The following USP24 variants were observed in gnomAD, a reference collection of about 807,000 sequenced individuals.
USP24 encodes the protein ubiquitin specific peptidase 24.
Under a neutral mutation model 361.6 loss-of-function variants are expected in USP24, and 97 were observed. That is an observed-to-expected ratio of 0.27 (90% CI 0.23 to 0.32). The LOEUF is 0.32. USP24 is among the 10% of genes least tolerant of loss of function. The pLI is 1.00. For synonymous variants in USP24, 1,098 were observed against 1,124.6 expected, an observed-to-expected ratio of 0.98 and a Z score of 0.47; for missense variants, 2,353 against 3,165.6, an observed-to-expected ratio of 0.74 and a Z score of 6.16.
intron 55 of USP24, among the ~76,000 whole-genome samples, chr1:55,086,788 C>T (rs1645260384): frequency 6.6e-6 from 1 of 152,150 alleles, no homozygotes; most frequent in Admixed American, 6.5e-5. Flanking sequence ...AAAAAGCCTG[C>T]ATGTGGGTAT....
At chr1:55,130,290 C>G (rs1013147388) in intron 31 of USP24, among the ~76,000 whole-genome samples, 2 of 152,158 alleles carry the variant, frequency 1.3e-5, no homozygotes, top group Admixed American at 6.5e-5. Flanking sequence ...TACAATGCTC[C>G]CTTTTGTCCT....
At chr1:55,194,809 C>T (rs894676897) in intron 1 of USP24, among the ~76,000 whole-genome samples, 12 of 152,094 alleles carry the variant, frequency 7.9e-5, no homozygotes, top group East Asian at 3.8e-4. Flanking sequence ...ACTGTGTCCT[C>T]GTCCCAGCCA....
chr1:55,178,851 G>A (rs1197690089), intron 1 of USP24, among the ~76,000 whole-genome samples: 1 of 152,006 alleles, frequency 6.6e-6, no homozygotes, highest in African/African-American at 2.4e-5. Context: ...CAGAGTGAGA[G>A]CCTGTCTCTC....
At chr1:55,081,741 T>C (rs1356897980) in intron 58 of USP24, among the ~76,000 whole-genome samples, 5 of 152,214 alleles carry the variant, frequency 3.3e-5, no homozygotes, top group Non-Finnish European at 7.3e-5. Flanking sequence ...CTGTGCCGCG[T>C]AATGTGAGTG....
At chr1:55,147,335 T>A (rs1647055647) in intron 18 of USP24, among the ~76,000 whole-genome samples, 1 of 152,158 alleles carries the variant, frequency 6.6e-6, no homozygotes, top group Non-Finnish European at 1.5e-5. Flanking sequence ...AACTCACAAC[T>A]GGTGAGTTAA....
chr1:55,099,192 G>A lies in USP24; in HGVS notation c.5370+579C>T, dbSNP rs536836698. Among the ~76,000 whole-genome samples the A allele has an allele frequency of 4.6e-5, 7 of 152,308 alleles. No homozygotes were observed. The South Asian group carries it at 1.5e-3, about 32-fold the overall frequency. ...GACACACAGAAAGAATATGTAGGTA[G>A]GAATGGTTATTACTATGTAGTAGAG... On this transcript the variant is annotated intron_variant, in intron 45 of 67. Coordinates refer to ENST00000294383, the MANE Select transcript of USP24 (RefSeq NM_015306.3).
intron 54 of USP24, 91 bp downstream of exon 54, chr1:55,091,932 C>T: frequency 5.0e-6 from 5 of 991,384 alleles, no homozygotes; most frequent in Non-Finnish European, 4.5e-6. Context: ...TAGGTAGCTG[C>T]TTTCACAATA....
At chr1:55,178,287 C>A (rs548854540) in intron 1 of USP24, among the ~76,000 whole-genome samples, 155 bp from the exon 2 acceptor site, 13 of 152,304 alleles carry the variant, frequency 8.5e-5, no homozygotes, top group African/African-American at 1.9e-4. Flanking sequence ...ACATCTTTCA[C>A]CAAGAATATC....
intron 38 of USP24, among the ~76,000 whole-genome samples, chr1:55,117,158 C>T (rs1227643220): frequency 6.6e-6 from 1 of 152,116 alleles, no homozygotes; most frequent in Non-Finnish European, 1.5e-5. Context: ...AAACACTTAA[C>T]AAACTACAAA....
chr1:55,124,439 T>C (rs757531800), intron 35 of USP24, 30 bp downstream of exon 35: 128 of 1,590,808 alleles, frequency 8.0e-5, no homozygotes, highest in Non-Finnish European at 1.0e-4. Flanking sequence ...TTACCCAGTG[T>C]TCTCATTACT....
chr1:55,085,501 C>A (rs1356416111), intron 56 of USP24, among the ~76,000 whole-genome samples: 1 of 152,140 alleles, frequency 6.6e-6, no homozygotes, highest in Non-Finnish European at 1.5e-5. Flanking sequence ...ACTTAACGCC[C>A]CTGGATGAAT....
At chr1:55,184,500 T>C (rs1644070558) in intron 1 of USP24, among the ~76,000 whole-genome samples, 1 of 152,154 alleles carries the variant, frequency 6.6e-6, no homozygotes, top group Non-Finnish European at 1.5e-5. Flanking sequence ...CCAACAATAA[T>C]AGTTGGAGAC....
chr1:55,138,150 T>C (rs955034851), intron 26 of USP24, among the ~76,000 whole-genome samples: 4 of 151,866 alleles, frequency 2.6e-5, no homozygotes, highest in African/African-American at 9.7e-5. Flanking sequence ...ACTGCAGCGT[T>C]GTCCACTCTT....
intron 1 of USP24, among the ~76,000 whole-genome samples, chr1:55,186,191 T>C (rs1386988082): frequency 1.3e-5 from 2 of 152,200 alleles, no homozygotes; most frequent in African/African-American, 4.8e-5. Context: ...CAACTTATTT[T>C]ATGAGGCAAG....
rs1223361275 is a variant in USP24, at chr1:55,176,442, A to C, written c.492T>G (p.Gly164=). 2.6e-6 allele frequency: 4 copies of C among 1,566,110 alleles called. No homozygotes were observed. Among genetic ancestry groups the C allele is most frequent in the Non-Finnish European group, 3.5e-6 (4 of 1,153,768 alleles). ...LLASTYLARL[G]LSESDENCRR... is the part of the protein sequence containing the mutation. ...TACAATTCTCATCAGACTCGGAAAGACCTTAGTAAAATGCATGAAATAATA... is the reference window on the plus strand; with the variant it reads ...TACAATTCTCATCAGACTCGGAAAGCCCTTAGTAAAATGCATGAAATAATA... The change falls in exon 3 of 68, where the codon GGT becomes GGG. Residue 164 remains glycine (G), a splice_region_variant and synonymous_variant. Transcript: ENST00000294383.
rs376558849 is a variant in USP24, at chr1:55,085,921, C to T, written c.6765+21G>A. On this transcript the variant is annotated intron_variant, in intron 56 of 67. Transcript: ENST00000294383. ...TGGTAAAAACACAGTGTATAAATAACGTTTTAAAAATGAGACCGACCTTAT... is the reference window on the plus strand; with the variant it reads ...TGGTAAAAACACAGTGTATAAATAATGTTTTAAAAATGAGACCGACCTTAT... 9.8e-5 allele frequency: 157 copies of T among 1,603,624 alleles called. No homozygotes were observed. In the African/African-American group the frequency reaches 1.1e-3, roughly 11 times the overall value.
At chr1:55,137,469 T>A (rs1351828178) in intron 28 of USP24, 46 bp downstream of exon 28, 6 of 1,581,624 alleles carry the variant, frequency 3.8e-6, no homozygotes, top group Middle Eastern at 1.7e-4. Flanking sequence ...AAAAAGACAG[T>A]GACTGTTAAG....
chr1:55,191,172 G>T (rs1438344939), intron 1 of USP24, among the ~76,000 whole-genome samples: 1 of 152,108 alleles, frequency 6.6e-6, no homozygotes, highest in African/African-American at 2.4e-5. Flanking sequence ...GTATTCAGTT[G>T]TTCAAGAAAA....
intron 53 of USP24, 65 bp downstream of exon 53, chr1:55,092,756 G>A: frequency 1.7e-6 from 2 of 1,203,384 alleles, no homozygotes; most frequent in Non-Finnish European, 2.3e-6. Flanking sequence ...ATCACTGAAT[G>A]CTTTAGCTAA....
Sources: gnomAD v4.1 joint callset for allele counts (sites outside exome capture counted in the v4.1 genomes callset) on GRCh38, gnomAD v4.1.1 for gene constraint, MANE v1.5 for transcripts, NCBI Gene and HGNC (gene_info 2026-07-23, HGNC 2026-07-21) for gene names.